Variants in FAM135B observed in about 807,000 individuals in gnomAD.
The protein encoded by FAM135B is family with sequence similarity 135 member B, also known as protein FAM135B.
A neutral mutation model predicts 127.7 loss-of-function variants in FAM135B; 43 were observed. The observed-to-expected ratio is 0.34, with a 90% CI of 0.26 to 0.43. The LOEUF is 0.43. FAM135B is among the 20% of genes least tolerant of loss of function. The pLI, the probability that FAM135B is intolerant of heterozygous loss-of-function variation, is 1.00. For missense variants in FAM135B, 1,558 were observed against 1,725.6 expected, an observed-to-expected ratio of 0.90 and a Z score of 1.72; for synonymous variants, 670 against 665.1, an observed-to-expected ratio of 1.01 and a Z score of -0.11.
At chr8:138,189,442 C>A (rs1340840496) in intron 9 of FAM135B, among the ~76,000 whole-genome samples, 1 of 152,240 alleles carries the variant, frequency 6.6e-6, no homozygotes, top group Non-Finnish European at 1.5e-5. Context: ...GGCTGTTTTA[C>A]CGTCTGCCCT....
At chr8:138,456,404 T>G (rs1280583841) in intron 1 of FAM135B, among the ~76,000 whole-genome samples, 1 of 152,034 alleles carries the variant, frequency 6.6e-6, no homozygotes, top group African/African-American at 2.4e-5. Context: ...CTGAAGAGGG[T>G]GAAGGGAGTG....
At chr8:138,344,662 G>A (rs1285263772) in intron 2 of FAM135B, among the ~76,000 whole-genome samples, 4 of 138,518 alleles carry the variant, frequency 2.9e-5, no homozygotes, top group South Asian at 4.7e-4. Flanking sequence ...TGCAATCTCC[G>A]CCTCCCAGGT....
chr8:138,178,745 C>A (rs74493901), intron 9 of FAM135B, 55 bp from the exon 10 acceptor site: 1 of 1,539,764 alleles, frequency 6.5e-7, no homozygotes, highest in Non-Finnish European at 8.9e-7. Context: ...AAGTCAGGAG[C>A]AGTCTTCTTC....
At chr8:138,492,093 A>G (rs1022631357) in intron 1 of FAM135B, among the ~76,000 whole-genome samples, 2 of 152,150 alleles carry the variant, frequency 1.3e-5, no homozygotes, top group Non-Finnish European at 2.9e-5. Flanking sequence ...TTTTATAAAG[A>G]TCTCTCTGGC....
At chr8:138,344,928 A>G (rs1171825328) in intron 2 of FAM135B, among the ~76,000 whole-genome samples, 4 of 152,076 alleles carry the variant, frequency 2.6e-5, no homozygotes, top group African/African-American at 9.7e-5. Flanking sequence ...ATGTATTTCA[A>G]ACTGAATGAT....
intron 1 of FAM135B, among the ~76,000 whole-genome samples, chr8:138,457,153 C>A (rs1836831295): frequency 6.6e-6 from 1 of 151,934 alleles, no homozygotes; most frequent in East Asian, 1.9e-4. Flanking sequence ...GGAAGAGAAG[C>A]AGGAGCCAGA....
At chr8:138,238,482 T>C (rs558146705) in intron 7 of FAM135B, among the ~76,000 whole-genome samples, 63 of 152,108 alleles carry the variant, frequency 4.1e-4, no homozygotes, top group African/African-American at 1.4e-3. Context: ...AAAGGTGCTG[T>C]AGGAAAGAAA....
chr8:138,292,861 A>G (rs910553514), intron 3 of FAM135B, among the ~76,000 whole-genome samples: 1 of 152,082 alleles, frequency 6.6e-6, no homozygotes, highest in African/African-American at 2.4e-5. Context: ...TGCAATTCCT[A>G]TCAAAATACC....
In FAM135B at chr8:138,151,512, G is replaced by T; in HGVS notation, c.2963C>A (p.Thr988Asn). 1.2e-6 allele frequency: 2 copies of T among 1,614,256 alleles called. No homozygotes were observed. The highest frequency in any genetic ancestry group is 1.7e-6 in the Non-Finnish European group (2 of 1,180,048). ...CTGGGAATGAACGGAATGGGTCACA[G>T]TGGGGCACACAGTGCCTGCTTTATG... Reference protein sequence around the residue: ...AKHKAGTVCPTVTHSVHSQVL... With the variant: ...AKHKAGTVCPNVTHSVHSQVL... The change falls in exon 13 of 20, where the codon ACT becomes AAT. Residue 988 changes from threonine (T) to asparagine (N), a missense_variant. Physicochemically the swap from Thr to Asn is moderately conservative, Grantham distance 65. Coordinates refer to ENST00000395297, the MANE Select transcript of FAM135B (RefSeq NM_015912.4).
chr8:138,460,879 A>G (rs902559895), intron 1 of FAM135B, among the ~76,000 whole-genome samples: 6 of 152,130 alleles, frequency 3.9e-5, no homozygotes, highest in Non-Finnish European at 8.8e-5. Context: ...CTCCACCCTG[A>G]ACCTCAGCTC....
In FAM135B at chr8:138,462,721, G is replaced by A. The variant is rs552866487; in HGVS notation, c.-20+33950C>T. ...AGTTGGTGCCTTTTAATATAACAAAGAAAATGCTAGGGAATTATGCATCTG... is the reference window on the plus strand; with the variant it reads ...AGTTGGTGCCTTTTAATATAACAAAAAAAATGCTAGGGAATTATGCATCTG... On this transcript the variant is annotated intron_variant, in intron 1 of 19. Transcript: ENST00000395297. Among the ~76,000 whole-genome samples the A allele has an allele frequency of 1.1e-4, 16 of 152,246 alleles. 1 individual carries two copies. In the South Asian group the frequency reaches 3.3e-3, roughly 32 times the overall value.
At chr8:138,411,060 C>T (rs1361656371) in intron 1 of FAM135B, among the ~76,000 whole-genome samples, 1 of 125,718 alleles carries the variant, frequency 8.0e-6, no homozygotes, top group Admixed American at 7.7e-5. Flanking sequence ...AATGGCCATA[C>T]TGCCGAAGGT....
At chr8:138,158,317 CTT>C (rs1210744162) in intron 12 of FAM135B, among the ~76,000 whole-genome samples, 1 of 152,174 alleles carries the variant, frequency 6.6e-6, no homozygotes, top group African/African-American at 2.4e-5. Context: ...GGATTAAAGA[CTT>C]AAATGTTAGA....
chr8:138,174,677 C>T (rs529134296), intron 11 of FAM135B, among the ~76,000 whole-genome samples: 48 of 152,276 alleles, frequency 3.2e-4, no homozygotes, highest in Middle Eastern at 3.4e-3. Context: ...TCTCTAAAGT[C>T]ACTCAGAGGA....
intron 1 of FAM135B, among the ~76,000 whole-genome samples, chr8:138,451,435 GAGA>G (rs929489260): frequency 1.6e-4 from 24 of 152,342 alleles, no homozygotes; most frequent in Middle Eastern, 3.4e-3. Flanking sequence ...CCTAAAAATA[GAGA>G]AGGTCTTGAA....
chr8:138,436,757 A>G (rs2131529631), intron 1 of FAM135B: 1 of 152,366 alleles, frequency 6.6e-6, no homozygotes, highest in East Asian at 1.9e-4. Flanking sequence ...TGAGCTGGTA[A>G]CATTTTATAA....
chr8:138,428,930 C>T (rs1835049662), intron 1 of FAM135B, among the ~76,000 whole-genome samples: 1 of 152,164 alleles, frequency 6.6e-6, no homozygotes, highest in African/African-American at 2.4e-5. Flanking sequence ...CCCCCAAGGG[C>T]CTACTATGTA....
At chr8:138,215,850 G>A (rs763586532) in intron 7 of FAM135B, among the ~76,000 whole-genome samples, 1 of 152,150 alleles carries the variant, frequency 6.6e-6, no homozygotes, top group Non-Finnish European at 1.5e-5. Flanking sequence ...GCCCCCAGAA[G>A]ATATTCTGGC....
intron 3 of FAM135B, among the ~76,000 whole-genome samples, chr8:138,279,743 C>G (rs186458559): frequency 6.6e-6 from 1 of 152,158 alleles, no homozygotes; most frequent in African/African-American, 2.4e-5. Context: ...TCCTATTTTA[C>G]CCATCTTAGA....
Sources: gnomAD v4.1 joint callset for allele counts (sites outside exome capture counted in the v4.1 genomes callset) on GRCh38, gnomAD v4.1.1 for gene constraint, MANE v1.5 for transcripts, NCBI Gene and HGNC (gene_info 2026-07-23, HGNC 2026-07-21) for gene names.